SRF: variants seen among roughly 807,000 people sequenced by gnomAD.
SRF encodes c-fos serum response element-binding transcription factor.
In SRF, 7 loss-of-function variants were observed where a neutral mutation model predicts 37.1. The ratio of observed to expected loss-of-function variants is 0.19; its 90% CI spans 0.11 to 0.35. SRF has a LOEUF of 0.35. SRF is among the 10% of genes least tolerant of loss of function. SRF has a pLI of 1.00. For missense variants in SRF, 395 were observed against 694.4 expected (o/e 0.57, Z 4.85); for synonymous variants, 285 against 310.1 (o/e 0.92, Z 0.85).
At chr6:43,175,302 G>T (rs1772176073) in intron 2 of SRF, among the ~76,000 whole-genome samples, 1 of 152,326 alleles carries the variant, frequency 6.6e-6, no homozygotes, top group South Asian at 2.1e-4. Context: ...GCTAGGAACA[G>T]ACCTTGGTGT....
chr6:43,175,254 C>G (rs1772175496), intron 2 of SRF, among the ~76,000 whole-genome samples: 1 of 152,164 alleles, frequency 6.6e-6, no homozygotes, highest in African/African-American at 2.4e-5. Context: ...GAAAAGGGGA[C>G]TGGTTATTTC....
At chr6:43,175,638 C>A (rs1029464545) in intron 2 of SRF, 68 bp from the exon 3 acceptor site, 3 of 1,593,788 alleles carry the variant, frequency 1.9e-6, no homozygotes, top group Non-Finnish European at 2.6e-6. Flanking sequence ...GGTTCTCAGT[C>A]CACACAAAGC....
intron 4 of SRF, among the ~76,000 whole-genome samples, chr6:43,177,034 A>G (rs1406527277): frequency 6.6e-6 from 1 of 152,192 alleles, no homozygotes; most frequent in Non-Finnish European, 1.5e-5. Context: ...GAGTAGCCAC[A>G]GTTACCCTCA....
In SRF at chr6:43,176,728, G is replaced by C; in HGVS notation, c.1162+61G>C. The C allele has an allele frequency of 6.3e-7, 1 of 1,576,254 alleles. No individual in the cohort carries two copies. Reference sequence around the variant, plus strand: ...CTTCCCCCACGAGGCCTAGCAGTAGGTGCCCAACAGTAACCCTCCTGTAAC... The same window carrying C: ...CTTCCCCCACGAGGCCTAGCAGTAGCTGCCCAACAGTAACCCTCCTGTAAC... On this transcript the variant is annotated intron_variant, in intron 4 of 6. Transcript: ENST00000265354. The surrounding 1 kb of genome is among the most constrained non-coding windows in gnomAD (Gnocchi z 4.0).
In SRF at chr6:43,176,613, T is replaced by C; in HGVS notation, c.1108T>C (p.Ser370Pro). 6.2e-7 allele frequency: 1 copy of C among 1,613,936 alleles called. No homozygotes were observed. The highest frequency in any genetic ancestry group is 8.5e-7 in the Non-Finnish European group (1 of 1,179,982). Residue 370 changes from serine (S) to proline (P), a missense_variant, in exon 4 of 7, where the codon TCT (serine) becomes CCT (proline). Ser to Pro is a moderately conservative substitution (Grantham distance 74, BLOSUM62 -1). Around this residue, in one of 4 missense-constraint regions of SRF, gnomAD observed 232 missense variants for 335.6 expected, o/e 0.69. Transcript: ENST00000265354. This position sits in a 1 kb window ranked among gnomAD's most constrained non-coding sequence, Gnocchi z 4.0. Reference protein sequence around the residue: ...IQVHQAPQQASPSRDSSTDLT... With the variant: ...IQVHQAPQQAPPSRDSSTDLT... ...AGTGCACCAGGCCCCACAGCAAGCG[T>C]CTCCCTCCCGTGACAGCAGCACAGA...
rs1772132796 is a variant in SRF at position 43,172,765 on chromosome 6, T to A, written c.513+596T>A. ...CCTAGTCCTGCGCCGGCCGTGAGTC[T>A]TCCATGGCATCCACTGGGAACCACA... On this transcript the variant is annotated intron_variant, in intron 1 of 6. Coordinates refer to ENST00000265354, the MANE Select transcript of SRF (RefSeq NM_003131.4). This position sits in a 1 kb window ranked among gnomAD's most constrained non-coding sequence, Gnocchi z 5.7. 6.6e-6 allele frequency among the ~76,000 whole-genome samples: 1 copy of A among 152,116 alleles called. No individual in the cohort carries two copies. The highest frequency in any genetic ancestry group is 1.5e-5 in the Non-Finnish European group (1 of 68,004).
Position 43,172,003 on chromosome 6 carries a change from C to A in SRF, c.347C>A (p.Ala116Glu). The A allele has an allele frequency of 1.3e-6, 2 of 1,575,308 alleles. No individual in the cohort carries two copies. Among genetic ancestry groups the A allele is most frequent in the Non-Finnish European group, 8.6e-7 (1 of 1,162,250 alleles). Reference sequence around the variant, plus strand: ...GGTATGGTGGTCGGTGGGCCCGAGGCGTCGGCAGCGGCCACCGGGGGCTAC... The same window carrying A: ...GGTATGGTGGTCGGTGGGCCCGAGGAGTCGGCAGCGGCCACCGGGGGCTAC... ...EIGMVVGGPE[A>E]SAAATGGYGP... Residue 116 changes from alanine to glutamate, a missense_variant, in exon 1 of 7, where the codon GCG becomes GAG. Ala to Glu is a moderately radical substitution (Grantham distance 107). Around this residue, in one of 4 missense-constraint regions of SRF, gnomAD observed 134 missense variants for 204.5 expected, o/e 0.66. Coordinates refer to ENST00000265354, the MANE Select transcript of SRF (RefSeq NM_003131.4). The surrounding 1 kb of genome is among the most constrained non-coding windows in gnomAD (Gnocchi z 5.7).
In SRF at chr6:43,175,979, G is replaced by A. The variant is rs752598928; in HGVS notation, c.1042+12G>A. 6.2e-7 allele frequency: 1 copy of A among 1,606,656 alleles called. No homozygotes were observed. The highest frequency in any genetic ancestry group is 1.1e-5 in the South Asian group (1 of 91,042). On this transcript the variant is annotated intron_variant, in intron 3 of 6. Transcript: ENST00000265354. ...CACCCTCATGCCTGGTGAGTCACGA[G>A]GGGCAGGGAGAGATTCGTCCTTCCT...
intron 2 of SRF, 117 bp downstream of exon 2, chr6:43,174,230 T>TCG: frequency 7.6e-7 from 1 of 1,322,334 alleles, no homozygotes; most frequent in South Asian, 1.4e-5. Flanking sequence ...TTAACGACCC[T>TCG]CGTCCTAGGG....
In SRF at chr6:43,171,944, C is replaced by G. The variant is rs1344338857; in HGVS notation, c.288C>G (p.Arg96=). The change falls in exon 1 of 7, where the codon CGC becomes CGG. Residue 96 remains arginine, a synonymous_variant. Coordinates refer to ENST00000265354, the MANE Select transcript of SRF (RefSeq NM_003131.4). The surrounding 1 kb of genome is among the most constrained non-coding windows in gnomAD (Gnocchi z 6.5). ...GEEEELGAER[R]GLKRSLSEME... is the part of the protein sequence containing the mutation. ...AGGAGGAGCTGGGCGCCGAGCGGCGCGGCCTGAAGCGGAGCCTGAGCGAGA... is the reference window on the plus strand; with the variant it reads ...AGGAGGAGCTGGGCGCCGAGCGGCGGGGCCTGAAGCGGAGCCTGAGCGAGA... 6.7e-7 allele frequency: 1 copy of G among 1,484,896 alleles called. No individual in the cohort carries two copies. The highest frequency in any genetic ancestry group is 1.3e-5 in the South Asian group (1 of 77,178). The allele number at this position is 1,484,896 out of a possible 1,614,324, so 92.0% of individuals were successfully genotyped here.
intron 2 of SRF, 134 bp downstream of exon 2, chr6:43,174,247 T>A (rs1377233569): frequency 4.2e-6 from 5 of 1,191,412 alleles, no homozygotes; most frequent in Non-Finnish European, 5.8e-6. Context: ...AGGGGACAGG[T>A]GTCCATCCTC....
chr6:43,174,476 C>T, intron 2 of SRF, among the ~76,000 whole-genome samples: 1 of 152,222 alleles, frequency 6.6e-6, no homozygotes, highest in East Asian at 1.9e-4. Context: ...GCACTCCGGT[C>T]CCGGGGTCCT....
Position 43,178,342 on chromosome 6 carries a change from G to C in SRF, c.1211G>C (p.Gly404Ala), listed in dbSNP as rs764816664. ...IMTSSVPTTV[G>A]GHMMYPSPHA... ...ACGTCATCCGTGCCCACAACTGTGG[G>C]TGGCCACATGATGTACCCTAGCCCG... The change falls in exon 5 of 7, where the codon GGT (glycine) becomes GCT (alanine). Residue 404 changes from glycine to alanine, a missense_variant. Around this residue, in one of 4 missense-constraint regions of SRF, gnomAD observed 232 missense variants for 335.6 expected, o/e 0.69. Transcript: ENST00000265354. The surrounding 1 kb of genome is among the most constrained non-coding windows in gnomAD (Gnocchi z 4.3). The C allele has an allele frequency of 6.2e-7, 1 of 1,611,888 alleles. No homozygotes were observed. The highest frequency in any genetic ancestry group is 1.3e-5 in the African/African-American group (1 of 74,962).
At chr6:43,177,770 C>T (rs1772232236) in intron 4 of SRF, among the ~76,000 whole-genome samples, 1 of 151,492 alleles carries the variant, frequency 6.6e-6, no homozygotes, top group Non-Finnish European at 1.5e-5. Context: ...AAAAAATTAG[C>T]CGGGCTTGAT....
At chr6:43,177,526 G>T (rs534731485) in intron 4 of SRF, among the ~76,000 whole-genome samples, 2 of 149,976 alleles carry the variant, frequency 1.3e-5, no homozygotes, top group Non-Finnish European at 3.0e-5. Flanking sequence ...CACCGCACCC[G>T]GCCCAGAGTC....
rs968538250 is a variant in SRF at position 43,176,030 on chromosome 6, G to A, written c.1042+63G>A. 1.6e-5 allele frequency: 25 copies of A among 1,579,638 alleles called. No homozygotes were observed. Among genetic ancestry groups the A allele is most frequent in the Non-Finnish European group, 2.0e-5 (23 of 1,164,992 alleles). ...GGGGCAAATCAAGCATGCTAAGAGT[G>A]TGTTTAGGGCTGGCACCAAGAGAAC... On this transcript the variant is annotated intron_variant, in intron 3 of 6. Transcript: ENST00000265354. This position sits in a 1 kb window ranked among gnomAD's most constrained non-coding sequence, Gnocchi z 4.0.
At position 43,178,770 on chromosome 6, in the gene SRF, A is replaced by C. The variant is rs375380910; in HGVS notation, c.1355-36A>C. 4.8e-5 allele frequency: 77 copies of C among 1,609,554 alleles called. No individual in the cohort carries two copies. The highest frequency in any genetic ancestry group is 5.7e-5 in the Non-Finnish European group (67 of 1,176,040). ...CCTCCAATATCTGGAAGTTTCAACA[A>C]ACAATTTGAGTATCTCCTGTGGTTT... On this transcript the variant is annotated intron_variant, in intron 5 of 6. Coordinates refer to ENST00000265354, the MANE Select transcript of SRF (RefSeq NM_003131.4). This position sits in a 1 kb window ranked among gnomAD's most constrained non-coding sequence, Gnocchi z 4.3.
At position 43,176,194 on chromosome 6, in the gene SRF, T is replaced by C. The variant is rs1772195836; in HGVS notation, c.1042+227T>C. 6.6e-6 allele frequency among the ~76,000 whole-genome samples: 1 copy of C among 152,142 alleles called. No homozygotes were observed. Among genetic ancestry groups the C allele is most frequent in the Non-Finnish European group, 1.5e-5 (1 of 68,004 alleles). On this transcript the variant is annotated intron_variant, in intron 3 of 6. Transcript: ENST00000265354. The surrounding 1 kb of genome is among the most constrained non-coding windows in gnomAD (Gnocchi z 4.0). ...AAGTTTCAACCATATATTCTGGCCCTGTCTAGCTACCCCAGCCCCGTGCCC... is the reference window on the plus strand; with the variant it reads ...AAGTTTCAACCATATATTCTGGCCCCGTCTAGCTACCCCAGCCCCGTGCCC...
rs772024181 is a variant in SRF, at chr6:43,172,119, C to T, written c.463C>T (p.Leu155=). 10 of 1,612,102 alleles carry T rather than the reference C, an allele frequency of 6.2e-6. No individual in the cohort carries two copies. In the African/African-American group the frequency reaches 8.0e-5, roughly 13 times the overall value. Residue 155 remains leucine (L), a synonymous_variant, in exon 1 of 7, where the codon CTG becomes TTG. Transcript: ENST00000265354. This position sits in a 1 kb window ranked among gnomAD's most constrained non-coding sequence, Gnocchi z 5.7. Reference sequence around the variant, plus strand: ...CAAGATGGAGTTCATCGACAACAAGCTGCGGCGCTACACGACCTTCAGCAA... The same window carrying T: ...CAAGATGGAGTTCATCGACAACAAGTTGCGGCGCTACACGACCTTCAGCAA... The part of the protein sequence containing the change: ...KIKMEFIDNK[L]RRYTTFSKRK...
Sources: gnomAD v4.1 joint callset for allele counts (sites outside exome capture counted in the v4.1 genomes callset) on GRCh38, gnomAD v4.1.1 for gene constraint, gnomAD v4.1.1 regional missense constraint, Gnocchi (gnomAD v3.1) non-coding constraint, MANE v1.5 for transcripts, NCBI Gene and HGNC (gene_info 2026-07-23, HGNC 2026-07-21) for gene names.